AGAP2: variants seen among roughly 807,000 people sequenced by gnomAD.
AGAP2 encodes arf-GAP with GTPase, ANK repeat and PH domain-containing protein 2.
AGAP2 carries 32 observed loss-of-function variants against 110.9 expected under a neutral mutation model. That is an observed-to-expected ratio of 0.29 (90% confidence interval 0.22 to 0.39). The LOEUF (loss-of-function observed/expected upper bound fraction) is 0.39, where lower values mean the gene tolerates loss of function less well. Ranked by LOEUF, AGAP2 falls within the 10% of genes least tolerant of loss-of-function variation. The pLI is 1.00. For synonymous variants in AGAP2, 702 were observed against 713.0 expected, an observed-to-expected ratio of 0.98 and a Z score of 0.25; for missense variants, 1,285 against 1,638.5, an observed-to-expected ratio of 0.78 and a Z score of 3.72.
In AGAP2 at chr12:57,731,948, G is replaced by A. The variant is rs371123488; in HGVS notation, c.1814C>T (p.Thr605Ile). ...CGGGAGGGAAGAAGAGTAGTCGCTAGTGTGGCCCCCGTTACTAGCCTGGGC... is the reference window on the plus strand; with the variant it reads ...CGGGAGGGAAGAAGAGTAGTCGCTAATGTGGCCCCCGTTACTAGCCTGGGC... ...VAGQASNGGH[T>I]SDYSSSLPSS... The change falls in exon 8 of 19, where the codon ACT (threonine) becomes ATT (isoleucine). Residue 605 changes from threonine (T) to isoleucine (I), a missense_variant. Coordinates refer to ENST00000547588, the MANE Select transcript of AGAP2 (RefSeq NM_001122772.3). 9 of 1,613,784 alleles carry A rather than the reference G, an allele frequency of 5.6e-6. No homozygotes were observed. The highest frequency in any genetic ancestry group is 7.6e-6 in the Non-Finnish European group (9 of 1,179,982).
At position 57,726,833 on chromosome 12, in the gene AGAP2, G is replaced by T; in HGVS notation, c.3337-39C>A. ...ACGGCCGCGTGACCGCGCGTCCCCA[G>T]GGCGCCCACACCCGGCGCCGCCTCC... On this transcript the variant is annotated intron_variant, in intron 18 of 18. Coordinates refer to ENST00000547588, the MANE Select transcript of AGAP2 (RefSeq NM_001122772.3). The surrounding 1 kb of genome is among the most constrained non-coding windows in gnomAD (Gnocchi z 5.7). The T allele has an allele frequency of 7.0e-7, 1 of 1,433,106 alleles. No individual in the cohort carries two copies. The highest frequency in any genetic ancestry group is 9.1e-7 in the Non-Finnish European group (1 of 1,098,532). 88.8% of individuals were successfully genotyped at this position (1,433,106 alleles called of 1,614,324 possible). A position where few individuals can be genotyped will look rare whatever the true frequency, so the allele number is the denominator to read the frequency against.
chr12:57,724,415 G>C (rs1273960491), downstream of AGAP2: 1 of 152,338 alleles, frequency 6.6e-6, no homozygotes, highest in Non-Finnish European at 1.5e-5. Flanking sequence ...AGCTGCCCTC[G>C]AGAAATGGTA....
At chr12:57,739,623 G>A (rs12368683), upstream of AGAP2, 1 of 152,416 alleles carries the variant, frequency 6.6e-6, no homozygotes, top group Non-Finnish European at 1.5e-5. Context: ...AGTCTCCATA[G>A]CAACCGTAGC....
In AGAP2 at chr12:57,737,960, G is replaced by A. The variant is rs1955021928; in HGVS notation, c.287C>T (p.Ala96Val). 11 of 1,407,362 alleles carry A rather than the reference G, an allele frequency of 7.8e-6. No homozygotes were observed. The South Asian group carries it at 1.7e-4, about 22-fold the overall frequency. The allele number at this position is 1,407,362 out of a possible 1,614,324, so 87.2% of individuals were successfully genotyped here. A position where few individuals can be genotyped will look rare whatever the true frequency, so the allele number is the denominator to read the frequency against. ...GACTGGGCGGGCCGGACTGGCCGGA[G>A]CCGGGGACAGGGCTGGGGGCTCCGC... ...GGAEPPALSP[A>V]PASPARPVSP... The change falls in exon 1 of 19, where the codon GCT becomes GTT. Residue 96 changes from alanine to valine, a missense_variant. By Grantham distance (64) the Ala-to-Val change is moderately conservative. This residue lies in a region of AGAP2 where 844 missense variants were observed against 941.2 expected (regional missense o/e 0.90). Transcript: ENST00000547588. This position sits in a 1 kb window ranked among gnomAD's most constrained non-coding sequence, Gnocchi z 5.9.
In AGAP2 at chr12:57,728,411, A is replaced by G. The variant is rs1181888595; in HGVS notation, c.2558-34T>C. 6 of 1,606,884 alleles carry G rather than the reference A, an allele frequency of 3.7e-6. No homozygotes were observed. The African/African-American group carries it at 8.0e-5, about 21-fold the overall frequency. The stretch of plus-strand genomic sequence containing the variant: ...CCGAAGCGAAGGAGATAGAGATAGA[A>G]TGGAGAGCAGAACAGAGAAAGAGAG... On this transcript the variant is annotated intron_variant, in intron 13 of 18. Coordinates refer to ENST00000547588, the MANE Select transcript of AGAP2 (RefSeq NM_001122772.3).
intron 6 of AGAP2, 50 bp from the exon 7 acceptor site, chr12:57,732,562 C>T: frequency 1.3e-6 from 2 of 1,502,558 alleles, no homozygotes; most frequent in Non-Finnish European, 1.8e-6. Context: ...TACCCAAGAC[C>T]ACCCTTCCAT....
chr12:57,737,302 A>C lies in AGAP2; in HGVS notation c.945T>G (p.Pro315=), dbSNP rs772134059. 2.9e-5 allele frequency: 47 copies of C among 1,613,612 alleles called. No homozygotes were observed. The highest frequency in any genetic ancestry group is 3.7e-5 in the Non-Finnish European group (44 of 1,179,840). The change falls in exon 1 of 19, where the codon CCT becomes CCG. Residue 315 remains proline, a synonymous_variant. Coordinates refer to ENST00000547588, the MANE Select transcript of AGAP2 (RefSeq NM_001122772.3). The surrounding 1 kb of genome is among the most constrained non-coding windows in gnomAD (Gnocchi z 5.9). The stretch of plus-strand genomic sequence containing the variant: ...GAGGCTCCAGAGTGATTGGAGGTGC[A>C]GGCCCGGGGGGCTGCGCGGAAGCAG... ...VTAASAQPPG[P]APPITLEPPA...
chr12:57,730,423 C>T (rs1954862783), intron 12 of AGAP2, 72 bp downstream of exon 12: 2 of 1,589,528 alleles, frequency 1.3e-6, no homozygotes, highest in African/African-American at 1.4e-5. Flanking sequence ...CAAGCCTTCA[C>T]CCCATATTCA....
chr12:57,728,026 C>T lies in AGAP2; in HGVS notation c.2677G>A (p.Ala893Thr). The T allele has an allele frequency of 6.2e-7, 1 of 1,613,380 alleles. No individual in the cohort carries two copies. Among genetic ancestry groups the T allele is most frequent in the Non-Finnish European group, 8.5e-7 (1 of 1,179,530 alleles). The part of the protein sequence containing the change: ...STGQTWHFEA[A>T]SFEERDAWVQ... Reference sequence around the variant, plus strand: ...CAGGCATCCCGCTCCTCAAAACTGGCTGCCTCAAAGTGCCACGTCTGACCC... The same window carrying T: ...CAGGCATCCCGCTCCTCAAAACTGGTTGCCTCAAAGTGCCACGTCTGACCC... Residue 893 changes from alanine (A) to threonine (T), a missense_variant, in exon 15 of 19, where the codon GCC (alanine) becomes ACC (threonine). This residue lies in a region of AGAP2 where 25 missense variants were observed against 67.5 expected (regional missense o/e 0.37). Coordinates refer to ENST00000547588, the MANE Select transcript of AGAP2 (RefSeq NM_001122772.3).
intron 10 of AGAP2, 65 bp downstream of exon 10, chr12:57,731,301 C>T (rs1954879628): frequency 6.0e-6 from 8 of 1,334,834 alleles, no homozygotes. Context: ...TTGTCAGAGG[C>T]ATAGACAGGT....
rs1269283985 is a variant in AGAP2 at position 57,725,674 on chromosome 12, A to C, written c.*878T>G. 1 of 151,914 alleles carries C rather than the reference A, an allele frequency of 6.6e-6. No homozygotes were observed. Among genetic ancestry groups the C allele is most frequent in the African/African-American group, 2.4e-5 (1 of 41,298 alleles). 9.4% of individuals were successfully genotyped at this position (151,914 alleles called of 1,614,324 possible). ...CAGGTACGCAGTCACGGTCACAGAC[A>C]CAACCCGAGAGCACCCCCACCCCAA... On this transcript the variant is annotated 3_prime_UTR_variant, in exon 19 of 19. Coordinates refer to ENST00000547588, the MANE Select transcript of AGAP2 (RefSeq NM_001122772.3).
Position 57,727,372 on chromosome 12 carries a change from C to T in AGAP2, c.3068G>A (p.Arg1023Gln), listed in dbSNP as rs1954790685. The T allele has an allele frequency of 1.2e-6, 2 of 1,610,630 alleles. No homozygotes were observed. Among genetic ancestry groups the T allele is most frequent in the South Asian group, 1.1e-5 (1 of 90,834 alleles). ...CCCTCACGCTTACCGCGAAGAGTCC[C>T]GCGAGGGCTTGGCACGGCCTCGCGT... ...SDTRGRAKPS[R>Q]DSSREERESW... Residue 1023 changes from arginine to glutamine, a missense_variant, in exon 17 of 19, where the codon CGG (arginine) becomes CAG (glutamine). This residue lies in a region of AGAP2 where 201 missense variants were observed against 276.1 expected (regional missense o/e 0.73). Transcript: ENST00000547588.
Position 57,729,738 on chromosome 12 carries a change from G to C in AGAP2, c.2458C>G (p.Leu820Val). The C allele has an allele frequency of 3.1e-6, 5 of 1,613,554 alleles. No individual in the cohort carries two copies. The highest frequency in any genetic ancestry group is 4.2e-6 in the Non-Finnish European group (5 of 1,179,700). ...DCTPSGDLSP[L>V]SREPPPSPMV... ...GGAGAAGGAGGGGGTTCCCGACTCA[G>C]GGGGCTCAGGTCTCCAGATGGGGTA... Residue 820 changes from leucine (L) to valine (V), a missense_variant, in exon 13 of 19, where the codon CTG becomes GTG. By Grantham distance (32) the Leu-to-Val change is conservative. Coordinates refer to ENST00000547588, the MANE Select transcript of AGAP2 (RefSeq NM_001122772.3).
chr12:57,742,030 T>G (rs1290224281), upstream of AGAP2: 1 of 1,614,052 alleles, frequency 6.2e-7, no homozygotes, highest in Admixed American at 1.7e-5. Flanking sequence ...GTCTGACTTC[T>G]GCTCTCACTG....
intron 5 of AGAP2, among the ~76,000 whole-genome samples, chr12:57,733,767 A>G (rs981212517): frequency 6.6e-6 from 1 of 152,186 alleles, no homozygotes; most frequent in Non-Finnish European, 1.5e-5. Flanking sequence ...AAGGTAGGTG[A>G]CATTTCAGGA....
At chr12:57,732,620 T>A in intron 6 of AGAP2, 108 bp from the exon 7 acceptor site, 1 of 1,303,700 alleles carries the variant, frequency 7.7e-7, no homozygotes, top group Non-Finnish European at 1.1e-6. Context: ...CCCAACTTCC[T>A]TGTCACTGTG....
chr12:57,724,567 C>T (rs1954731635), downstream of AGAP2: 1 of 152,228 alleles, frequency 6.6e-6, no homozygotes, highest in Non-Finnish European at 1.5e-5. Context: ...TTGTGGACAC[C>T]AGGGACCTCT....
upstream of AGAP2, chr12:57,742,136 C>T: frequency 1.9e-6 from 3 of 1,560,926 alleles, no homozygotes; most frequent in Non-Finnish European, 2.6e-6. Flanking sequence ...GGCCCTACAG[C>T]CCCCAAACCT....
intron 7 of AGAP2, 48 bp downstream of exon 7, chr12:57,732,355 C>G: frequency 6.6e-7 from 1 of 1,511,372 alleles, no homozygotes; most frequent in Non-Finnish European, 9.0e-7. Flanking sequence ...ATCCCCAGCC[C>G]CTCTGCATCT....
Sources: allele counts gnomAD v4.1 joint callset (sites outside exome capture counted in the v4.1 genomes callset), GRCh38; gene constraint gnomAD v4.1.1; regional missense constraint gnomAD v4.1.1; non-coding constraint Gnocchi (gnomAD v3.1); transcripts MANE v1.5; gene names NCBI Gene and HGNC (gene_info 2026-07-23, HGNC 2026-07-21).